The following RHPN1 variants were observed in gnomAD, a reference collection of about 807,000 sequenced individuals.
RHPN1 encodes rhophilin Rho GTPase binding protein 1.
Under a neutral mutation model 74.7 loss-of-function variants are expected in RHPN1, and 77 were observed. The ratio of observed to expected loss-of-function variants is 1.03; its 90% confidence interval spans 0.86 to 1.25. The LOEUF is 1.25. Ranked by LOEUF, RHPN1 falls within the 50% of genes most tolerant of loss-of-function variation. RHPN1 has a pLI of 0.00. For missense variants in RHPN1, 987 were observed against 932.2 expected (o/e 1.06, Z -0.77); for synonymous variants, 444 against 414.5 (o/e 1.07, Z -0.87).
At chr8:143,380,456 AC>A in intron 10 of RHPN1, 132 bp from the exon 11 acceptor site, 1 of 815,426 alleles carries the variant, frequency 1.2e-6, no homozygotes, top group Non-Finnish European at 1.9e-6. Flanking sequence ...CCAGCTCCTC[AC>A]CCCCGTGGCG....
chr8:143,377,743 G>A (rs770715817), intron 4 of RHPN1, among the ~76,000 whole-genome samples: 13 of 152,206 alleles, frequency 8.5e-5, no homozygotes, highest in Non-Finnish European at 1.6e-4. Flanking sequence ...AGGAGGATGG[G>A]GCCTGGAAGC....
intron 3 of RHPN1, 55 bp from the exon 4 acceptor site, chr8:143,377,325 G>A: frequency 6.8e-7 from 1 of 1,464,648 alleles, no homozygotes; most frequent in South Asian, 1.1e-5. Flanking sequence ...ACCCCGGGCT[G>A]CCGTGGGCAG....
rs1350658386 is a variant in RHPN1, at chr8:143,382,621, C to G, written c.1983C>G (p.Pro661=). The change falls in exon 15 of 15, where the codon CCC becomes CCG. Residue 661 remains proline, a synonymous_variant. Transcript: ENST00000289013. The part of the protein sequence containing the change: ...QPCAPVKPAP[P]SSLKHPGWP ...GTGCCCCAGTGAAGCCAGCTCCGCC[C>G]TCATCCTTGAAGCACCCAGGGTGGC... is the stretch of plus-strand genomic sequence containing the variant. The G allele has an allele frequency of 1.9e-6, 3 of 1,610,510 alleles. No homozygotes were observed. Among genetic ancestry groups the G allele is most frequent in the African/African-American group, 1.3e-5 (1 of 74,868 alleles).
intron 1 of RHPN1, among the ~76,000 whole-genome samples, chr8:143,370,097 G>C (rs1471624550): frequency 6.6e-6 from 1 of 152,252 alleles, no homozygotes; most frequent in Admixed American, 6.5e-5. Flanking sequence ...ATGCCTGCAG[G>C]TGGCCTGGGA....
chr8:143,377,305 C>G, intron 3 of RHPN1, 75 bp from the exon 4 acceptor site: 1 of 1,220,898 alleles, frequency 8.2e-7, no homozygotes, highest in South Asian at 1.3e-5. Context: ...CCACAGAGCC[C>G]TAGGAGTGGA....
intron 1 of RHPN1, among the ~76,000 whole-genome samples, chr8:143,369,338 G>C (rs1356244723): frequency 6.6e-6 from 1 of 152,184 alleles, no homozygotes; most frequent in Non-Finnish European, 1.5e-5. Flanking sequence ...CGGATGTGGG[G>C]CTGGGCTCTG....
At chr8:143,380,835 C>A in intron 11 of RHPN1, 52 bp downstream of exon 11, 3 of 1,407,734 alleles carry the variant, frequency 2.1e-6, no homozygotes, top group South Asian at 2.9e-5. Context: ...AGGGTGGGGG[C>A]CTTCGTCCTG....
intron 10 of RHPN1, 28 bp downstream of exon 10, chr8:143,380,203 G>A: frequency 6.9e-7 from 1 of 1,450,236 alleles, no homozygotes; most frequent in Non-Finnish European, 9.3e-7. Flanking sequence ...GGAGTGCCCT[G>A]GGGCTCAGAT....
chr8:143,377,456 G>C lies in RHPN1; in HGVS notation c.381+1G>C, dbSNP rs1191252387. On this transcript the variant is annotated splice_donor_variant, in intron 4 of 14. Coordinates refer to ENST00000289013, the MANE Select transcript of RHPN1 (RefSeq NM_052924.3). LOFTEE classifies it high-confidence loss of function. The stretch of plus-strand genomic sequence containing the variant: ...GCTGGACTGGTCTACACCGCTGAAG[G>C]TAGGTACTGGCCTCCAAGCTCTGAG... 6.2e-7 allele frequency: 1 copy of C among 1,611,070 alleles called. No individual in the cohort carries two copies. Among genetic ancestry groups the C allele is most frequent in the Non-Finnish European group, 8.5e-7 (1 of 1,177,480 alleles).
intron 10 of RHPN1, 67 bp from the exon 11 acceptor site, chr8:143,380,522 T>C (rs1818640744): frequency 5.1e-6 from 7 of 1,381,512 alleles, no homozygotes; most frequent in Non-Finnish European, 6.7e-6. Flanking sequence ...CGTTGCCCAC[T>C]CCTTCTGCCA....
chr8:143,366,143 T>C (rs56081747), upstream of RHPN1, among the ~76,000 whole-genome samples: 35 of 151,908 alleles, frequency 2.3e-4, no homozygotes, highest in Admixed American at 1.1e-3. Flanking sequence ...AATTTTTTTT[T>C]CTTTATAAAT....
chr8:143,375,632 A>AGCTGCAGATGCGGACGG lies in RHPN1; in HGVS notation c.143_159dup (p.Ala54CysfsTer19). 1 of 1,608,668 alleles carries AGCTGCAGATGCGGACGG rather than the reference A, an allele frequency of 6.2e-7. No individual in the cohort carries two copies. The highest frequency in any genetic ancestry group is 8.5e-7 in the Non-Finnish European group (1 of 1,178,178). On this transcript the variant is annotated frameshift_variant, in exon 2 of 15. Transcript: ENST00000289013. LOFTEE classifies it high-confidence loss of function. Reference sequence around the variant, plus strand: ...CAGATTCACCAGCAGATTGACAAGGAGCTGCAGATGCGGACGGGCGCTGAG... The same window carrying AGCTGCAGATGCGGACGG: ...CAGATTCACCAGCAGATTGACAAGGAGCTGCAGATGCGGACGGGCTGCAGATGCGGACGGGCGCTGAG...
intron 1 of RHPN1, chr8:143,374,092 A>G (rs1282342693): frequency 2.0e-5 from 20 of 979,426 alleles, no homozygotes; most frequent in Non-Finnish European, 2.3e-5. Flanking sequence ...ATTAAAATGC[A>G]CACAAAGATC....
At chr8:143,371,077 GA>G (rs1056567414) in intron 1 of RHPN1, among the ~76,000 whole-genome samples, 4 of 152,190 alleles carry the variant, frequency 2.6e-5, no homozygotes, top group African/African-American at 9.7e-5. Context: ...GCTCCAGGAA[GA>G]GGGGTGCTCA....
At chr8:143,364,978 C>CT (rs1366472812), upstream of RHPN1, among the ~76,000 whole-genome samples, 2 of 152,174 alleles carry the variant, frequency 1.3e-5, no homozygotes, top group African/African-American at 4.8e-5. This position sits in a 1 kb window ranked among gnomAD's most constrained non-coding sequence, Gnocchi z 4.5. Context: ...AGCGTGTTCT[C>CT]TTCGGGCCTT....
chr8:143,378,280 A>G lies in RHPN1; in HGVS notation c.393A>G (p.Ser131=), dbSNP rs780585055. 3 of 1,571,348 alleles carry G rather than the reference A, an allele frequency of 1.9e-6. No homozygotes were observed. The African/African-American group carries it at 4.1e-5, about 21-fold the overall frequency. The change falls in exon 5 of 15, where the codon TCA becomes TCG. Residue 131 remains serine (S), a synonymous_variant. Coordinates refer to ENST00000289013, the MANE Select transcript of RHPN1 (RefSeq NM_052924.3). ...DWSTPLKELI[S]VHFGEDGASY... is the part of the protein sequence containing the mutation. ...CTGCCCCCCATCAGGAGCTGATCTC[A>G]GTGCACTTTGGAGAGGACGGCGCCT... is the stretch of plus-strand genomic sequence containing the variant.
chr8:143,370,318 A>G (rs981936172), intron 1 of RHPN1, among the ~76,000 whole-genome samples: 6 of 152,128 alleles, frequency 3.9e-5, no homozygotes, highest in Non-Finnish European at 5.9e-5. Context: ...CAGTCAGGGT[A>G]CTGGGGAGGG....
intron 3 of RHPN1, 92 bp from the exon 4 acceptor site, chr8:143,377,288 C>T: frequency 1.0e-6 from 1 of 972,752 alleles, no homozygotes; most frequent in South Asian, 1.4e-5. Flanking sequence ...GAGGGAGGCA[C>T]CCTGTGCCAC....
chr8:143,372,237 G>T (rs1216159728), intron 1 of RHPN1, among the ~76,000 whole-genome samples: 13 of 151,634 alleles, frequency 8.6e-5, no homozygotes, highest in Non-Finnish European at 1.9e-4. Context: ...GCGGTGGGTG[G>T]CACGGGGGTC....
Sources: gnomAD v4.1 joint callset for allele counts (sites outside exome capture counted in the v4.1 genomes callset) on GRCh38, gnomAD v4.1.1 for gene constraint, Gnocchi (gnomAD v3.1) non-coding constraint, MANE v1.5 for transcripts, NCBI Gene and HGNC (gene_info 2026-07-23, HGNC 2026-07-21) for gene names.